Variants in ATP8A2 observed in about 807,000 individuals in gnomAD.
ATP8A2 encodes the protein phospholipid-transporting ATPase IB.
Under a neutral mutation model 165.6 loss-of-function variants are expected in ATP8A2, and 100 were observed. That is an observed-to-expected ratio of 0.60 (90% CI 0.51 to 0.71). The LOEUF (loss-of-function observed/expected upper bound fraction) is 0.71. Among genes scored for constraint, ATP8A2 ranks in the 30% least tolerant of loss-of-function variants. The pLI is 0.00. For synonymous variants in ATP8A2, 543 were observed against 548.8 expected (o/e 0.99, Z 0.15); for missense variants, 1,227 against 1,479.5 (o/e 0.83, Z 2.80).
At chr13:25,688,457 G>T (rs1011010311) in intron 24 of ATP8A2, among the ~76,000 whole-genome samples, 1 of 152,126 alleles carries the variant, frequency 6.6e-6, no homozygotes, top group Non-Finnish European at 1.5e-5. Flanking sequence ...TGAGGCCACC[G>T]TGGAAATGAG....
intron 2 of ATP8A2, among the ~76,000 whole-genome samples, chr13:25,528,443 G>A (rs778858712): frequency 1.3e-5 from 2 of 152,184 alleles, no homozygotes; most frequent in South Asian, 2.1e-4. Flanking sequence ...TGGCAGATGG[G>A]ACTATTGGCA....
chr13:25,768,167 A>G (rs9578920), intron 25 of ATP8A2, among the ~76,000 whole-genome samples: 76,629 of 151,134 alleles, frequency 0.51, 20,472 homozygotes, highest in South Asian at 0.62. Context: ...TTACCAATTC[A>G]GAATGTAGAG....
intron 35 of ATP8A2, among the ~76,000 whole-genome samples, chr13:25,988,620 A>G (rs2139281745): frequency 6.6e-6 from 1 of 152,350 alleles, no homozygotes; most frequent in Non-Finnish European, 1.5e-5. Context: ...TGGCAGGGCT[A>G]GATTCCAAAG....
chr13:25,649,195 G>T (rs766251470), intron 24 of ATP8A2, among the ~76,000 whole-genome samples: 56 of 152,104 alleles, frequency 3.7e-4, no homozygotes, highest in Non-Finnish European at 6.2e-4. Flanking sequence ...ATTCTGGTTG[G>T]GCTAGCTGGT....
intron 24 of ATP8A2, among the ~76,000 whole-genome samples, chr13:25,693,281 C>A (rs1474801679): frequency 6.6e-6 from 1 of 152,148 alleles, no homozygotes; most frequent in African/African-American, 2.4e-5. Flanking sequence ...ATAGTAATAC[C>A]TTCAATTGGC....
chr13:25,991,025 G>C (rs902499416), intron 35 of ATP8A2, among the ~76,000 whole-genome samples: 3 of 152,128 alleles, frequency 2.0e-5, no homozygotes, highest in African/African-American at 7.2e-5. Context: ...TATGTGCTGG[G>C]GCTGTCATTC....
chr13:25,707,516 A>G (rs889774798), intron 25 of ATP8A2, among the ~76,000 whole-genome samples: 1 of 152,220 alleles, frequency 6.6e-6, no homozygotes, highest in African/African-American at 2.4e-5. Context: ...GGGGAGCAAT[A>G]TAGTACATGT....
At chr13:26,018,837 G>A (rs916394279) in intron 36 of ATP8A2, among the ~76,000 whole-genome samples, 9 of 152,188 alleles carry the variant, frequency 5.9e-5, no homozygotes, top group Admixed American at 6.5e-5. Context: ...AGTGGGAGGA[G>A]TATAATCCCC....
chr13:25,496,751 G>A (rs183724813), intron 2 of ATP8A2, among the ~76,000 whole-genome samples: 8 of 152,280 alleles, frequency 5.3e-5, no homozygotes, highest in Non-Finnish European at 1.0e-4. Context: ...GGAACAATTT[G>A]TTCTCTTAGA....
intron 25 of ATP8A2, among the ~76,000 whole-genome samples, chr13:25,757,643 G>A (rs1476587030): frequency 3.9e-5 from 6 of 152,112 alleles, no homozygotes; most frequent in Non-Finnish European, 8.8e-5. Context: ...ATTCGGCTGA[G>A]AAGTGAGTGT....
Position 25,372,303 on chromosome 13 carries a change from G to T in ATP8A2, c.76+15G>T, listed in dbSNP as rs770024187. On this transcript the variant is annotated intron_variant, in intron 1 of 36. Transcript: ENST00000381655. This position sits in a 1 kb window ranked among gnomAD's most constrained non-coding sequence, Gnocchi z 4.8. Reference sequence around the variant, plus strand: ...CTCGTCCGTGGGTGAGCTGGGAGGGGCGCGGCGAGGGAGGGTGGGCCCGGG... The same window carrying T: ...CTCGTCCGTGGGTGAGCTGGGAGGGTCGCGGCGAGGGAGGGTGGGCCCGGG... 22 of 1,465,238 alleles carry T rather than the reference G, an allele frequency of 1.5e-5. No homozygotes were observed. The highest frequency in any genetic ancestry group is 2.0e-5 in the Non-Finnish European group (22 of 1,104,962). 90.8% of individuals were successfully genotyped at this position (1,465,238 alleles called of 1,614,324 possible). A position where few individuals can be genotyped will look rare whatever the true frequency, so the allele number is the denominator to read the frequency against.
chr13:25,848,196 A>G (rs1433159137), intron 30 of ATP8A2, among the ~76,000 whole-genome samples: 1 of 152,180 alleles, frequency 6.6e-6, no homozygotes, highest in African/African-American at 2.4e-5. Context: ...CATGACAATC[A>G]TTCCATGTCT....
chr13:25,891,385 C>T (rs966120103), intron 33 of ATP8A2, among the ~76,000 whole-genome samples: 3 of 152,172 alleles, frequency 2.0e-5, no homozygotes, highest in South Asian at 4.2e-4. Context: ...TGCAATGGTG[C>T]GATCTCGGCT....
At chr13:25,389,066 G>T (rs891076774) in intron 1 of ATP8A2, among the ~76,000 whole-genome samples, 1 of 152,148 alleles carries the variant, frequency 6.6e-6, no homozygotes, top group East Asian at 1.9e-4. Context: ...CCTGTTATAA[G>T]GCTGTGATAA....
chr13:25,680,539 C>A (rs77077758), intron 24 of ATP8A2, among the ~76,000 whole-genome samples: 1 of 152,280 alleles, frequency 6.6e-6, no homozygotes, highest in African/African-American at 2.4e-5. Context: ...GAAACTGACA[C>A]CATGGCTCAA....
intron 35 of ATP8A2, among the ~76,000 whole-genome samples, chr13:25,998,027 TG>T (rs1956550163): frequency 6.6e-6 from 1 of 152,238 alleles, no homozygotes; most frequent in African/African-American, 2.4e-5. Flanking sequence ...TATTATGCTA[TG>T]GACTCTGGAT....
intron 35 of ATP8A2, among the ~76,000 whole-genome samples, chr13:25,992,478 T>C (rs1956414776): frequency 6.6e-6 from 1 of 152,114 alleles, no homozygotes; most frequent in Non-Finnish European, 1.5e-5. Context: ...GACATGTGGC[T>C]TACAAATATT....
intron 35 of ATP8A2, among the ~76,000 whole-genome samples, chr13:25,982,365 G>A (rs1956187312): frequency 1.3e-5 from 2 of 152,160 alleles, no homozygotes; most frequent in South Asian, 2.1e-4. Flanking sequence ...TTCACATGAC[G>A]CAGAAGATTG....
At chr13:25,424,278 T>C (rs1703717654) in intron 1 of ATP8A2, among the ~76,000 whole-genome samples, 1 of 152,262 alleles carries the variant, frequency 6.6e-6, no homozygotes, top group South Asian at 2.1e-4. Flanking sequence ...ACTCACCTGC[T>C]TGGCCCAATA....
Sources: allele counts gnomAD v4.1 joint callset (sites outside exome capture counted in the v4.1 genomes callset), GRCh38; gene constraint gnomAD v4.1.1; non-coding constraint Gnocchi (gnomAD v3.1); transcripts MANE v1.5; gene names NCBI Gene and HGNC (gene_info 2026-07-23, HGNC 2026-07-21).